Variants in GRM7 observed in about 807,000 individuals in gnomAD.
The protein encoded by GRM7 is metabotropic glutamate receptor 7.
GRM7 carries 35 observed loss-of-function variants against 84.5 expected under a neutral mutation model. That is an observed-to-expected ratio of 0.41 (90% CI 0.32 to 0.55). The LOEUF is 0.55. Among genes scored for constraint, GRM7 ranks in the 20% least tolerant of loss-of-function variants. The probability of loss-of-function intolerance (pLI) is 0.19; values close to 1 mark genes in which losing one functional copy is unlikely to be tolerated. For missense variants in GRM7, 1,003 were observed against 1,194.6 expected (o/e 0.84, Z 2.36); for synonymous variants, 487 against 455.1 (o/e 1.07, Z -0.89).
intron 2 of GRM7, among the ~76,000 whole-genome samples, chr3:7,252,006 C>T (rs150545968): frequency 2.0e-5 from 3 of 152,212 alleles, no homozygotes; most frequent in African/African-American, 4.8e-5. Flanking sequence ...GGGATTGGGA[C>T]ATAGGGAATC....
chr3:7,039,388 G>A (rs879726155), intron 1 of GRM7, among the ~76,000 whole-genome samples: 5 of 152,116 alleles, frequency 3.3e-5, no homozygotes, highest in Admixed American at 2.6e-4. Context: ...CAGGTATCAC[G>A]GATTAAGAAA....
At chr3:7,295,454 TG>T (rs1186070613) in intron 2 of GRM7, among the ~76,000 whole-genome samples, 2 of 152,192 alleles carry the variant, frequency 1.3e-5, no homozygotes, top group African/African-American at 4.8e-5. Context: ...TTTTCAGAAT[TG>T]TTTTGACTAT....
At chr3:7,283,670 A>G (rs1405600558) in intron 2 of GRM7, among the ~76,000 whole-genome samples, 2 of 152,186 alleles carry the variant, frequency 1.3e-5, no homozygotes, top group Non-Finnish European at 2.9e-5. Flanking sequence ...GCACAAAAAT[A>G]CTTTCATCAA....
chr3:7,611,195 G>C (rs1696830692), intron 8 of GRM7, among the ~76,000 whole-genome samples: 1 of 152,078 alleles, frequency 6.6e-6, no homozygotes, highest in Non-Finnish European at 1.5e-5. Context: ...TATCTTCTTG[G>C]ATTATTGCGA....
chr3:7,130,140 G>C (rs1291427493), intron 1 of GRM7, among the ~76,000 whole-genome samples: 1 of 152,168 alleles, frequency 6.6e-6, no homozygotes, highest in Admixed American at 6.5e-5. Flanking sequence ...TTGACCTGTT[G>C]AGATACCTTG....
intron 2 of GRM7, among the ~76,000 whole-genome samples, chr3:7,171,872 C>T (rs1694994107): frequency 6.6e-6 from 1 of 152,198 alleles, no homozygotes; most frequent in African/African-American, 2.4e-5. Flanking sequence ...GAAAGCTTCA[C>T]AGTTTAAAGC....
intron 2 of GRM7, among the ~76,000 whole-genome samples, chr3:7,200,402 A>C (rs559256852): frequency 6.6e-6 from 1 of 152,210 alleles, no homozygotes; most frequent in Non-Finnish European, 1.5e-5. Flanking sequence ...ACTCTGCCCT[A>C]CCCAGGATTT....
chr3:6,893,511 A>G (rs1183444879), intron 1 of GRM7, among the ~76,000 whole-genome samples: 5 of 152,088 alleles, frequency 3.3e-5, no homozygotes, highest in Non-Finnish European at 7.4e-5. Context: ...TTTCTTTCCT[A>G]CAGACATAAA....
intron 7 of GRM7, among the ~76,000 whole-genome samples, chr3:7,550,111 C>T (rs1482631267): frequency 6.6e-6 from 1 of 152,022 alleles, no homozygotes; most frequent in Non-Finnish European, 1.5e-5. Flanking sequence ...CCCACCCCCA[C>T]TTAGTAATGG....
At chr3:7,273,916 T>C (rs1698958005) in intron 2 of GRM7, among the ~76,000 whole-genome samples, 1 of 152,016 alleles carries the variant, frequency 6.6e-6, no homozygotes, top group Non-Finnish European at 1.5e-5. Flanking sequence ...CTGTTTTTTA[T>C]TTGTTGCCCT....
intron 4 of GRM7, among the ~76,000 whole-genome samples, chr3:7,369,799 G>T (rs1016471791): frequency 6.6e-6 from 1 of 152,142 alleles, no homozygotes; most frequent in African/African-American, 2.4e-5. Context: ...GTTAATAATT[G>T]TTAAATGCAT....
Position 7,533,762 on chromosome 3 carries a change from C to A in GRM7, c.1516-44660C>A, listed in dbSNP as rs192375988. Among the ~76,000 whole-genome samples, 4 of 152,292 alleles carry A rather than the reference C, an allele frequency of 2.6e-5. No homozygotes were observed. The East Asian group carries it at 7.7e-4, about 29-fold the overall frequency. On this transcript the variant is annotated intron_variant, in intron 7 of 9. Transcript: ENST00000357716. ...GTGAAAATGAAATCAATATTTAATT[C>A]CCACTGGTAAGAGATAATGCCATGG...
intron 1 of GRM7, among the ~76,000 whole-genome samples, chr3:6,868,791 C>T (rs1206921084): frequency 6.6e-6 from 1 of 151,966 alleles, no homozygotes; most frequent in East Asian, 1.9e-4. Flanking sequence ...TTGTGTGGGC[C>T]GTGGAGGGAA....
chr3:7,320,331 C>G (rs1416568091), intron 4 of GRM7, among the ~76,000 whole-genome samples: 1 of 151,592 alleles, frequency 6.6e-6, no homozygotes, highest in Non-Finnish European at 1.5e-5. Flanking sequence ...CGATGAAAAC[C>G]AAAAGAAAAA....
intron 4 of GRM7, among the ~76,000 whole-genome samples, chr3:7,340,112 G>A (rs1490432258): frequency 1.3e-5 from 2 of 152,092 alleles, no homozygotes; most frequent in Admixed American, 6.6e-5. Flanking sequence ...CACTAGGATA[G>A]TTTTAATATT....
At chr3:7,321,827 C>T (rs1298432257) in intron 4 of GRM7, among the ~76,000 whole-genome samples, 1 of 152,054 alleles carries the variant, frequency 6.6e-6, no homozygotes, top group African/African-American at 2.4e-5. Context: ...CTTTTAAGTA[C>T]CATGGAATTC....
At chr3:7,445,801 T>C (rs1241791070) in intron 5 of GRM7, among the ~76,000 whole-genome samples, 1 of 152,168 alleles carries the variant, frequency 6.6e-6, no homozygotes, top group African/African-American at 2.4e-5. Flanking sequence ...CAATACCCAG[T>C]TGACAGAGTT....
At chr3:7,237,683 G>A (rs1697395550) in intron 2 of GRM7, among the ~76,000 whole-genome samples, 1 of 152,122 alleles carries the variant, frequency 6.6e-6, no homozygotes, top group African/African-American at 2.4e-5. Flanking sequence ...GTGAGCAGCA[G>A]CAAGATTTAT....
At chr3:7,563,090 C>A (rs560896817) in intron 7 of GRM7, among the ~76,000 whole-genome samples, 59 of 152,256 alleles carry the variant, frequency 3.9e-4, no homozygotes, top group African/African-American at 1.4e-3. Flanking sequence ...GAGAGCATGA[C>A]TCACCCCAGG....
Sources: allele counts gnomAD v4.1 joint callset (sites outside exome capture counted in the v4.1 genomes callset), GRCh38; gene constraint gnomAD v4.1.1; transcripts MANE v1.5; gene names NCBI Gene and HGNC (gene_info 2026-07-23, HGNC 2026-07-21).